The following NCOR2 variants were observed in gnomAD, a reference collection of about 807,000 sequenced individuals.
NCOR2 encodes nuclear receptor corepressor 2.
In NCOR2, 81 loss-of-function variants were observed where a neutral mutation model predicts 262.9. That is an observed-to-expected ratio of 0.31 (90% CI 0.26 to 0.37). The LOEUF (loss-of-function observed/expected upper bound fraction) is 0.37. Among genes scored for constraint, NCOR2 ranks in the 10% least tolerant of loss-of-function variants. The pLI is 1.00. For missense variants in NCOR2, 3,385 were observed against 3,621.4 expected (o/e 0.93, Z 1.68); for synonymous variants, 1,659 against 1,559.3 (o/e 1.06, Z -1.51).
chr12:124,547,395 A>G (rs952966457), intron 1 of NCOR2, among the ~76,000 whole-genome samples: 6 of 152,230 alleles, frequency 3.9e-5, no homozygotes, highest in Non-Finnish European at 7.3e-5. Flanking sequence ...GATGGAGTGT[A>G]TATAGGGTTC....
chr12:124,325,122 G>A (rs986231807), exon 47 of NCOR2: 48 of 265,432 alleles, frequency 1.8e-4, no homozygotes, highest in East Asian at 3.1e-4. Flanking sequence ...GCTGCCACAC[G>A]CCTGCCGTGC....
At chr12:124,453,614 GA>G (rs1340323221) in intron 6 of NCOR2, among the ~76,000 whole-genome samples, 1 of 152,248 alleles carries the variant, frequency 6.6e-6, no homozygotes, top group Non-Finnish European at 1.5e-5. Context: ...CCACCAGGAA[GA>G]GCCAGAGTCC....
chr12:124,414,427 T>C (rs963852809), intron 13 of NCOR2, among the ~76,000 whole-genome samples: 8 of 152,138 alleles, frequency 5.3e-5, no homozygotes, highest in African/African-American at 1.9e-4. Flanking sequence ...ATCGCCACCA[T>C]AGCGGCCAGC....
chr12:124,409,346 C>G (rs1176499526), intron 13 of NCOR2, among the ~76,000 whole-genome samples: 2 of 152,214 alleles, frequency 1.3e-5, no homozygotes, highest in Non-Finnish European at 2.9e-5. Context: ...TGCTTCAGGG[C>G]CTTTGCACGT....
upstream of NCOR2, chr12:124,538,949 GC>G (rs1394087863): frequency 2.0e-5 from 3 of 152,464 alleles, no homozygotes; most frequent in African/African-American, 7.2e-5. Flanking sequence ...GTCACCCAAG[GC>G]CACGTGGCAA....
At chr12:124,552,857 GT>G (rs975752706) in intron 1 of NCOR2, among the ~76,000 whole-genome samples, 2 of 152,052 alleles carry the variant, frequency 1.3e-5, no homozygotes, top group African/African-American at 4.8e-5. Flanking sequence ...AGTTTTCTAT[GT>G]TTTTTATAGA....
chr12:124,328,225 A>ACCTCC (rs1256340193), intron 44 of NCOR2, among the ~76,000 whole-genome samples: 1 of 150,930 alleles, frequency 6.6e-6, no homozygotes, highest in Non-Finnish European at 1.5e-5. Context: ...GCAGCCCCGT[A>ACCTCC]CCTCCCCACC....
rs1161399081 is a variant in NCOR2, at chr12:124,457,918, G to A, written c.706-756C>T. Among the ~76,000 whole-genome samples, 6 of 152,206 alleles carry A rather than the reference G, an allele frequency of 3.9e-5. No individual in the cohort carries two copies. Among genetic ancestry groups the A allele is most frequent in the Admixed American group, 2.6e-4 (4 of 15,288 alleles). ...GCCTGGAGGGCAGCCCAGGCCAGCCGGGTACAGGGAGGTGGGGGGCGGAGG... is the reference window on the plus strand; with the variant it reads ...GCCTGGAGGGCAGCCCAGGCCAGCCAGGTACAGGGAGGTGGGGGGCGGAGG... On this transcript the variant is annotated intron_variant, in intron 5 of 46. Transcript: ENST00000405201. This position sits in a 1 kb window ranked among gnomAD's most constrained non-coding sequence, Gnocchi z 4.0.
intron 15 of NCOR2, among the ~76,000 whole-genome samples, chr12:124,398,452 G>T (rs1045717058): frequency 6.6e-6 from 1 of 152,336 alleles, no homozygotes; most frequent in East Asian, 1.9e-4. Context: ...CACACAAGCC[G>T]CTGAAGTCGG....
intron 18 of NCOR2, among the ~76,000 whole-genome samples, chr12:124,375,904 G>T (rs1184088051): frequency 1.3e-5 from 2 of 152,202 alleles, no homozygotes; most frequent in Non-Finnish European, 2.9e-5. Flanking sequence ...CAGTGCCGCT[G>T]GGGCTGGCTG....
At chr12:124,394,374 C>A (rs1437296564) in intron 16 of NCOR2, among the ~76,000 whole-genome samples, 1 of 152,230 alleles carries the variant, frequency 6.6e-6, no homozygotes, top group African/African-American at 2.4e-5. Flanking sequence ...ATGCCCCGGG[C>A]AGCACTGCCC....
At chr12:124,355,619 C>T (rs552692840) in intron 23 of NCOR2, 48 bp from the exon 26 acceptor site, 2 of 1,500,076 alleles carry the variant, frequency 1.3e-6, no homozygotes, top group East Asian at 2.3e-5. Flanking sequence ...GCGGTCACGT[C>T]CCTGCCGGAC....
chr12:124,344,547 T>C, intron 32 of NCOR2, 50 bp downstream of exon 34: 1 of 1,389,790 alleles, frequency 7.2e-7, no homozygotes, highest in Non-Finnish European at 9.4e-7. Flanking sequence ...GAGGCACAGC[T>C]TCTCCAGACA....
intron 7 of NCOR2, among the ~76,000 whole-genome samples, chr12:124,448,904 G>A (rs923697300): frequency 1.3e-5 from 2 of 152,098 alleles, no homozygotes; most frequent in Non-Finnish European, 2.9e-5. Context: ...ACACTCAAAC[G>A]CCTGTACCCT....
In NCOR2 at chr12:124,492,228, G is replaced by C. The variant is rs78180830; in HGVS notation, c.105+2919C>G. On this transcript the variant is annotated intron_variant, in intron 1 of 46. Coordinates refer to ENST00000405201, the Ensembl canonical transcript of NCOR2. Reference sequence around the variant, plus strand: ...CTCCTGCCACCCTTCCAGGAGGAAAGAGATGACTACCCCGCGCTTGCTGCG... The same window carrying C: ...CTCCTGCCACCCTTCCAGGAGGAAACAGATGACTACCCCGCGCTTGCTGCG... 1.1e-3 allele frequency among the ~76,000 whole-genome samples: 168 copies of C among 152,360 alleles called. 1 individual carries two copies. The East Asian group carries it at 0.027, about 24-fold the overall frequency.
intron 8 of NCOR2, among the ~76,000 whole-genome samples, chr12:124,437,625 G>C (rs1055646426): frequency 6.6e-6 from 1 of 152,176 alleles, no homozygotes; most frequent in Admixed American, 6.5e-5. Context: ...TGCCTGAAAA[G>C]CCCAGGACAG....
intron 1 of NCOR2, among the ~76,000 whole-genome samples, chr12:124,506,612 C>T (rs776706971): frequency 1.1e-4 from 16 of 152,110 alleles, no homozygotes; most frequent in Non-Finnish European, 4.4e-5. Context: ...GCCCTCCCCA[C>T]TTGCGTACTT....
At chr12:124,433,235 G>A (rs1010390644) in intron 8 of NCOR2, among the ~76,000 whole-genome samples, 4 of 152,188 alleles carry the variant, frequency 2.6e-5, no homozygotes, top group African/African-American at 9.7e-5. Context: ...GACAGACAAC[G>A]GCCACACGTG....
intron 4 of NCOR2, among the ~76,000 whole-genome samples, chr12:124,468,135 C>T (rs1309334911): frequency 1.6e-5 from 1 of 61,706 alleles, no homozygotes. Context: ...CATCCTCATC[C>T]TCATCACCAT....
Sources: allele counts gnomAD v4.1 joint callset (sites outside exome capture counted in the v4.1 genomes callset), GRCh38; gene constraint gnomAD v4.1.1; non-coding constraint Gnocchi (gnomAD v3.1); transcripts MANE v1.5; gene names NCBI Gene and HGNC (gene_info 2026-07-23, HGNC 2026-07-21).